The following ZDHHC2 variants were observed in gnomAD, a reference collection of about 807,000 sequenced individuals.
ZDHHC2 encodes the protein zDHHC palmitoyltransferase 2, also known as palmitoyltransferase ZDHHC2.
Under a neutral mutation model 55.6 loss-of-function variants are expected in ZDHHC2, and 51 were observed. The observed-to-expected ratio is 0.92, with a 90% CI of 0.73 to 1.16. ZDHHC2 has a LOEUF of 1.16. Among genes scored for constraint, ZDHHC2 ranks in the 50% most tolerant of loss-of-function variants. ZDHHC2 has a pLI of 0.00. For synonymous variants in ZDHHC2, 199 were observed against 152.9 expected, an observed-to-expected ratio of 1.30 and a Z score of -2.22; for missense variants, 491 against 442.4, an observed-to-expected ratio of 1.11 and a Z score of -0.99.
rs890582321 is a variant in ZDHHC2, at chr8:17,224,352, A to G, written c.*4131A>G. The G allele has an allele frequency of 1.6e-4, 25 of 151,840 alleles. No homozygotes were observed. Among genetic ancestry groups the G allele is most frequent in the African/African-American group, 5.8e-4 (24 of 41,530 alleles). The allele number at this position is 151,840 out of a possible 1,614,324, so 9.4% of individuals were successfully genotyped here. A position where few individuals can be genotyped will look rare whatever the true frequency, so the allele number is the denominator to read the frequency against. ...GGGAAAATGTCTGTTAAGGCTAATCATCTGAGTGATTTGAGTAGCAATTAA... is the reference window on the plus strand; with the variant it reads ...GGGAAAATGTCTGTTAAGGCTAATCGTCTGAGTGATTTGAGTAGCAATTAA... On this transcript the variant is annotated 3_prime_UTR_variant, in exon 13 of 13. Transcript: ENST00000262096.
At chr8:17,160,568 C>G (rs754725744) in intron 1 of ZDHHC2, among the ~76,000 whole-genome samples, 1 of 152,212 alleles carries the variant, frequency 6.6e-6, no homozygotes, top group Non-Finnish European at 1.5e-5. Context: ...TGCTGTAATG[C>G]AGATGTCCAG....
rs551123670 is a variant in ZDHHC2, at chr8:17,161,925, G to T, written c.130+5072G>T. 7.2e-5 allele frequency among the ~76,000 whole-genome samples: 11 copies of T among 152,282 alleles called. No homozygotes were observed. The South Asian group carries it at 2.3e-3, about 32-fold the overall frequency. ...GGCAATATGATTCAAAATATATTCT[G>T]TGACTTTTCTTGATATTGTTGAATA... On this transcript the variant is annotated intron_variant, in intron 1 of 12. Transcript: ENST00000262096.
chr8:17,164,403 G>A (rs768596334), intron 1 of ZDHHC2, among the ~76,000 whole-genome samples: 4 of 152,086 alleles, frequency 2.6e-5, no homozygotes, highest in African/African-American at 4.8e-5. Context: ...GAGTAAGTGC[G>A]TTTATGGATG....
At chr8:17,208,948 G>C (rs766810733) in intron 8 of ZDHHC2, among the ~76,000 whole-genome samples, 23 of 152,088 alleles carry the variant, frequency 1.5e-4, no homozygotes, top group Non-Finnish European at 2.9e-4. Flanking sequence ...GAATGCTAAG[G>C]ATCTTGCAAA....
chr8:17,168,049 C>G (rs1373047228), intron 1 of ZDHHC2, among the ~76,000 whole-genome samples: 2 of 152,114 alleles, frequency 1.3e-5, no homozygotes, highest in African/African-American at 4.8e-5. Context: ...TTAGAGTATA[C>G]TGAATATAAT....
At chr8:17,217,426 A>G (rs1807701577) in intron 12 of ZDHHC2, among the ~76,000 whole-genome samples, 180 bp downstream of exon 12, 1 of 152,128 alleles carries the variant, frequency 6.6e-6, no homozygotes, top group Non-Finnish European at 1.5e-5. Flanking sequence ...TAGCTTCAGT[A>G]TTAGCTGGTA....
At chr8:17,195,352 C>G (rs1198979552) in intron 3 of ZDHHC2, among the ~76,000 whole-genome samples, 152 bp from the exon 4 acceptor site, 1 of 152,160 alleles carries the variant, frequency 6.6e-6, no homozygotes, top group African/African-American at 2.4e-5. Flanking sequence ...GTGAGGTGAA[C>G]AGACTTGCCC....
At chr8:17,168,928 A>G (rs1353704550) in intron 1 of ZDHHC2, among the ~76,000 whole-genome samples, 1 of 152,178 alleles carries the variant, frequency 6.6e-6, no homozygotes, top group East Asian at 1.9e-4. Flanking sequence ...TTGTTTATCC[A>G]TTAATGGGGG....
chr8:17,169,156 T>G lies in ZDHHC2; in HGVS notation c.130+12303T>G, dbSNP rs1804738749. Among the ~76,000 whole-genome samples the G allele has an allele frequency of 2.0e-5, 3 of 152,146 alleles. No homozygotes were observed. In the South Asian group the frequency reaches 6.2e-4, roughly 32 times the overall value. On this transcript the variant is annotated intron_variant, in intron 1 of 12. Coordinates refer to ENST00000262096, the MANE Select transcript of ZDHHC2 (RefSeq NM_016353.5). ...TGCAGGTGTCACCCAGAGAAGCCTG[T>G]ATATGCCCTTGTAAACATGTCCAAA...
chr8:17,184,489 G>A (rs992684420), intron 1 of ZDHHC2, among the ~76,000 whole-genome samples: 9 of 152,218 alleles, frequency 5.9e-5, no homozygotes, highest in South Asian at 2.1e-4. Context: ...AGGAAAACCA[G>A]TCAACCAAAT....
chr8:17,182,386 G>T (rs1262618223), intron 1 of ZDHHC2, among the ~76,000 whole-genome samples: 1 of 152,150 alleles, frequency 6.6e-6, no homozygotes, highest in Non-Finnish European at 1.5e-5. Context: ...TAAGGGAAAT[G>T]AATGCTAAAA....
At chr8:17,167,967 T>C (rs993479698) in intron 1 of ZDHHC2, among the ~76,000 whole-genome samples, 1 of 152,192 alleles carries the variant, frequency 6.6e-6, no homozygotes, top group Non-Finnish European at 1.5e-5. Flanking sequence ...GTGCTAAAAT[T>C]GTTACCCTTT....
intron 1 of ZDHHC2, among the ~76,000 whole-genome samples, chr8:17,172,877 C>T (rs73669024): frequency 9.2e-5 from 14 of 152,264 alleles, no homozygotes; most frequent in African/African-American, 1.2e-4. Flanking sequence ...ACCCAGAGCC[C>T]GGTTCCTCCC....
intron 10 of ZDHHC2, among the ~76,000 whole-genome samples, chr8:17,214,089 C>T (rs376504141): frequency 1.4e-4 from 21 of 152,032 alleles, no homozygotes; most frequent in East Asian, 9.6e-4. Flanking sequence ...AGTTTTAAGT[C>T]GTTTTTTTCT....
chr8:17,172,244 A>G (rs1050769823), intron 1 of ZDHHC2, among the ~76,000 whole-genome samples: 10 of 152,334 alleles, frequency 6.6e-5, no homozygotes, highest in African/African-American at 2.2e-4. Context: ...AAGAAAATCT[A>G]GCCCCTTTTT....
Position 17,210,413 on chromosome 8 carries a change from A to G in ZDHHC2, c.883A>G (p.Thr295Ala), listed in dbSNP as rs2904682. ...SSLGDGCSFP[T>A]CLVNQDPEQA... ...TCTAGGTGATGGCTGCTCCTTTCCA[A>G]CTTGCCTTGTTAACCAGGATCCTGA... is the stretch of plus-strand genomic sequence containing the variant. Residue 295 changes from threonine (T) to alanine (A), a missense_variant, in exon 10 of 13, where the codon ACT (threonine) becomes GCT (alanine). By Grantham distance (58) the Thr-to-Ala change is moderately conservative. Coordinates refer to ENST00000262096, the MANE Select transcript of ZDHHC2 (RefSeq NM_016353.5). The G allele has an allele frequency of 9.9e-6, 16 of 1,613,220 alleles. No homozygotes were observed. The highest frequency in any genetic ancestry group is 5.5e-5 in the South Asian group (5 of 90,998).
intron 1 of ZDHHC2, among the ~76,000 whole-genome samples, chr8:17,179,202 C>G (rs1051284719): frequency 6.6e-6 from 1 of 152,088 alleles, no homozygotes; most frequent in Non-Finnish European, 1.5e-5. Context: ...ATGCTCTCAC[C>G]TTGGCCTCCC....
intron 5 of ZDHHC2, 93 bp downstream of exon 5, chr8:17,197,744 C>A: frequency 1.5e-6 from 2 of 1,332,692 alleles, no homozygotes; most frequent in Non-Finnish European, 2.1e-6. Context: ...ATTATCTTCT[C>A]CATATTCTCG....
chr8:17,156,790 G>T lies in ZDHHC2; in HGVS notation c.67G>T (p.Val23Leu), dbSNP rs1376399350. 1.4e-5 allele frequency: 22 copies of T among 1,521,820 alleles called. No individual in the cohort carries two copies. The highest frequency in any genetic ancestry group is 1.9e-5 in the Non-Finnish European group (22 of 1,133,542). 94.3% of individuals were successfully genotyped at this position (1,521,820 alleles called of 1,614,324 possible). ...CCGGCGGGTGCTGTACTGGATCCCG[G>T]TGGTGTTCATCACCCTCCTGCTCGG... ...RCRRVLYWIP[V>L]VFITLLLGWS... Residue 23 changes from valine (V) to leucine (L), a missense_variant, in exon 1 of 13, where the codon GTG (valine) becomes TTG (leucine). Val to Leu is a conservative substitution (Grantham distance 32, BLOSUM62 1). Coordinates refer to ENST00000262096, the MANE Select transcript of ZDHHC2 (RefSeq NM_016353.5).
Sources: allele counts gnomAD v4.1 joint callset (sites outside exome capture counted in the v4.1 genomes callset), GRCh38; gene constraint gnomAD v4.1.1; transcripts MANE v1.5; gene names NCBI Gene and HGNC (gene_info 2026-07-23, HGNC 2026-07-21).